The following ARHGEF16 variants were observed in gnomAD, a reference collection of about 807,000 sequenced individuals.
The protein encoded by ARHGEF16 is Rho guanine exchange factor (GEF) 16.
Under a neutral mutation model 74.1 loss-of-function variants are expected in ARHGEF16, and 59 were observed. That is an observed-to-expected ratio of 0.80 (90% confidence interval 0.65 to 0.99). The LOEUF is 0.99. Among genes scored for constraint, ARHGEF16 ranks in the 50% least tolerant of loss-of-function variants. ARHGEF16 has a pLI of 0.00. For missense variants in ARHGEF16, 948 were observed against 986.6 expected (o/e 0.96, Z 0.52); for synonymous variants, 415 against 412.6 (o/e 1.01, Z -0.07).
At chr1:3,474,567 C>T (rs575730531) in intron 8 of ARHGEF16, 141 bp from the exon 9 acceptor site, 8 of 720,460 alleles carry the variant, frequency 1.1e-5, no homozygotes, top group Middle Eastern at 2.9e-4. Flanking sequence ...AGGGGCTGTA[C>T]GTGCTGTGGG....
rs776167813 is a variant in ARHGEF16, at chr1:3,478,439, G to C, written c.1641G>C (p.Met547Ile). Residue 547 changes from methionine (M) to isoleucine (I), a missense_variant, in exon 12 of 15, where the codon ATG becomes ATC. Met to Ile is a conservative substitution (Grantham distance 10, BLOSUM62 1). Coordinates refer to ENST00000378378, the MANE Select transcript of ARHGEF16 (RefSeq NM_014448.4). The stretch of plus-strand genomic sequence containing the variant: ...GTCTCCACAGCGAGGAGAGCTACAT[G>C]GTCCAGGACTACGCCCAGATGAACC... ...VTKKKSEESYMVQDYAQMNHI... is the reference protein window; with the variant it reads ...VTKKKSEESYIVQDYAQMNHI... 1.9e-6 allele frequency: 3 copies of C among 1,603,506 alleles called. No individual in the cohort carries two copies. Among genetic ancestry groups the C allele is most frequent in the Non-Finnish European group, 1.7e-6 (2 of 1,173,138 alleles).
intron 9 of ARHGEF16, 44 bp from the exon 10 acceptor site, chr1:3,475,926 G>A: frequency 6.6e-7 from 1 of 1,526,024 alleles, no homozygotes; most frequent in Non-Finnish European, 8.8e-7. Context: ...GCTGTGCCAG[G>A]GCCCTGTAGC....
intron 6 of ARHGEF16, among the ~76,000 whole-genome samples, 197 bp downstream of exon 6, chr1:3,469,790 G>T (rs1639654439): frequency 2.0e-5 from 3 of 152,194 alleles, no homozygotes; most frequent in Non-Finnish European, 4.4e-5. Flanking sequence ...TGGCCCCAGG[G>T]CCGGGCTAAG....
rs759559127 is a variant in ARHGEF16 at position 3,463,183 on chromosome 1, C to T, written c.99C>T (p.Ser33=). The change falls in exon 2 of 15, where the codon TCC becomes TCT. Residue 33 remains serine, a synonymous_variant. Transcript: ENST00000378378. ...TCGATGCCGGGGGGAACCCAGCCTCCGGGCTCCCAATGGTCCGTGGCTCCC... is the reference window on the plus strand; with the variant it reads ...TCGATGCCGGGGGGAACCCAGCCTCTGGGCTCCCAATGGTCCGTGGCTCCC... The part of the protein sequence containing the change: ...LRLDAGGNPA[S]GLPMVRGSPR... The T allele has an allele frequency of 1.9e-4, 293 of 1,529,150 alleles. No homozygotes were observed. The highest frequency in any genetic ancestry group is 3.4e-4 in the Middle Eastern group (2 of 5,890). 94.7% of individuals were successfully genotyped at this position (1,529,150 alleles called of 1,614,324 possible).
intron 6 of ARHGEF16, among the ~76,000 whole-genome samples, chr1:3,470,115 G>GGGTGTGTGGGTGGGGTGTGTGTGCA (rs1639665572): frequency 6.6e-6 from 1 of 151,652 alleles, no homozygotes; most frequent in Non-Finnish European, 1.5e-5. Context: ...GTGTGTGTGC[G>GGGTGTGTGGGTGGGGTGTGTGTGCA]TGGGTGTGTG....
At chr1:3,477,825 C>A in intron 10 of ARHGEF16, 50 bp from the exon 11 acceptor site, 1 of 1,563,912 alleles carries the variant, frequency 6.4e-7, no homozygotes, top group Non-Finnish European at 8.8e-7. Flanking sequence ...CCGGCTCTGT[C>A]CCCCCCAGTC....
chr1:3,471,349 C>G (rs1025961599), intron 6 of ARHGEF16, among the ~76,000 whole-genome samples: 3 of 152,036 alleles, frequency 2.0e-5, no homozygotes, highest in Non-Finnish European at 2.9e-5. Context: ...TGGTTGCTGG[C>G]GCATTCTTAT....
intron 4 of ARHGEF16, 29 bp downstream of exon 4, chr1:3,467,366 CCA>C (rs1639577131): frequency 8.5e-6 from 13 of 1,535,636 alleles, no homozygotes; most frequent in Admixed American, 6.0e-5. Flanking sequence ...TGAGGCTGCC[CCA>C]CAGAGGCAGG....
intron 6 of ARHGEF16, 87 bp from the exon 7 acceptor site, chr1:3,472,991 T>A: frequency 7.0e-7 from 1 of 1,434,358 alleles, no homozygotes; most frequent in Non-Finnish European, 9.5e-7. Context: ...TATGTGTGAG[T>A]GTGCATGCAG....
intron 6 of ARHGEF16, among the ~76,000 whole-genome samples, chr1:3,470,552 T>C (rs1328876317): frequency 2.1e-5 from 3 of 144,546 alleles, no homozygotes; most frequent in East Asian, 4.3e-4. Flanking sequence ...TGGTCAGGGT[T>C]ATGTGTGAGT....
At chr1:3,460,196 G>A (rs1165446762) in intron 1 of ARHGEF16, among the ~76,000 whole-genome samples, 1 of 152,210 alleles carries the variant, frequency 6.6e-6, no homozygotes, top group African/African-American at 2.4e-5. Flanking sequence ...TGGGAGCGGA[G>A]GTCACACCCA....
intron 4 of ARHGEF16, among the ~76,000 whole-genome samples, chr1:3,467,736 T>G (rs980973139): frequency 3.3e-5 from 5 of 152,130 alleles, no homozygotes; most frequent in Non-Finnish European, 1.5e-5. Flanking sequence ...TCCTTCACTT[T>G]CCATATCTGA....
chr1:3,464,602 G>T (rs1464261876), intron 2 of ARHGEF16, among the ~76,000 whole-genome samples: 1 of 152,174 alleles, frequency 6.6e-6, no homozygotes, highest in Non-Finnish European at 1.5e-5. Flanking sequence ...CGTCCTTCTT[G>T]TTGGGCGCCT....
At chr1:3,469,975 G>C (rs1639661003) in intron 6 of ARHGEF16, among the ~76,000 whole-genome samples, 2 of 152,254 alleles carry the variant, frequency 1.3e-5, no homozygotes, top group African/African-American at 4.8e-5. Flanking sequence ...TCGAGTTGCA[G>C]CTCTGGGTCA....
chr1:3,479,383 C>A, intron 12 of ARHGEF16, 134 bp from the exon 13 acceptor site: 1 of 977,406 alleles, frequency 1.0e-6, no homozygotes, highest in Non-Finnish European at 1.5e-6. Flanking sequence ...GCACAGTCTG[C>A]CCAGCCACTC....
At chr1:3,479,703 G>T in intron 13 of ARHGEF16, 109 bp from the exon 14 acceptor site, 1 of 1,548,636 alleles carries the variant, frequency 6.5e-7, no homozygotes, top group East Asian at 2.3e-5. Context: ...CCTGGCAGTC[G>T]GGGGATGGGG....
At chr1:3,469,162 A>G (rs114768506) in intron 5 of ARHGEF16, among the ~76,000 whole-genome samples, 49 of 152,284 alleles carry the variant, frequency 3.2e-4, no homozygotes, top group African/African-American at 1.1e-3. Context: ...CTCGGAGTCC[A>G]GGGGCTGCCA....
rs139034353 is a variant in ARHGEF16, at chr1:3,481,106, C to G, written c.*519C>G. The G allele has an allele frequency of 3.9e-3, 604 of 153,362 alleles. 32 individuals carry two copies. In the East Asian group the frequency reaches 0.1, roughly 26 times the overall value. The allele number at this position is 153,362 out of a possible 1,614,324, so 9.5% of individuals were successfully genotyped here. On this transcript the variant is annotated 3_prime_UTR_variant, in exon 15 of 15. Transcript: ENST00000378378. ...GTTTCTAAATACATTAAAGTTATTT[C>G]TTAAGAACCTGGATTTTCACAGTGA...
chr1:3,466,704 G>T (rs1384604333), intron 3 of ARHGEF16, among the ~76,000 whole-genome samples: 1 of 152,202 alleles, frequency 6.6e-6, no homozygotes, highest in Non-Finnish European at 1.5e-5. Context: ...AATGCCCGGG[G>T]GTGTAAAGAG....
Sources: gnomAD v4.1 joint callset for allele counts (sites outside exome capture counted in the v4.1 genomes callset) on GRCh38, gnomAD v4.1.1 for gene constraint, MANE v1.5 for transcripts, NCBI Gene and HGNC (gene_info 2026-07-23, HGNC 2026-07-21) for gene names.